The following SLC22A23 variants were observed in gnomAD, a reference collection of about 807,000 sequenced individuals.
SLC22A23 encodes solute carrier family 22 member 23, also known as ion transporter protein.
A neutral mutation model predicts 61.0 loss-of-function variants in SLC22A23; 26 were observed. That is an observed-to-expected ratio of 0.43 (90% confidence interval 0.31 to 0.59). The LOEUF (loss-of-function observed/expected upper bound fraction) is 0.59. Ranked by LOEUF, SLC22A23 falls within the 20% of genes least tolerant of loss-of-function variation. The probability of loss-of-function intolerance (pLI) is 0.11; values close to 1 mark genes in which losing one functional copy is unlikely to be tolerated. For missense variants in SLC22A23, 796 were observed against 934.7 expected (o/e 0.85, Z 1.94); for synonymous variants, 430 against 413.9 (o/e 1.04, Z -0.47).
At chr6:3,359,598 T>C (rs1241115804) in intron 3 of SLC22A23, among the ~76,000 whole-genome samples, 1 of 152,126 alleles carries the variant, frequency 6.6e-6, no homozygotes, top group Non-Finnish European at 1.5e-5. Context: ...ACATTCCTGG[T>C]GGGAATGTAC....
rs1457379162 is a variant in SLC22A23 at position 3,271,989 on chromosome 6, G to A, written c.*1066C>T. 1.3e-5 allele frequency: 2 copies of A among 152,446 alleles called. No individual in the cohort carries two copies. Among genetic ancestry groups the A allele is most frequent in the African/African-American group, 4.8e-5 (2 of 41,408 alleles). 9.4% of individuals were successfully genotyped at this position (152,446 alleles called of 1,614,324 possible). On this transcript the variant is annotated 3_prime_UTR_variant, in exon 10 of 10. Coordinates refer to ENST00000406686, the MANE Select transcript of SLC22A23 (RefSeq NM_015482.2). Reference sequence around the variant, plus strand: ...GCAGGAAGCTGGCCCAGGAAGGCAGGCGTGAGGGGGCCCAGCTCCTGCGGG... The same window carrying A: ...GCAGGAAGCTGGCCCAGGAAGGCAGACGTGAGGGGGCCCAGCTCCTGCGGG...
At chr6:3,278,917 G>A (rs140203762) in intron 9 of SLC22A23, among the ~76,000 whole-genome samples, 132 of 152,260 alleles carry the variant, frequency 8.7e-4, no homozygotes, top group African/African-American at 3.1e-3. Context: ...TTACTCACAC[G>A]GGAGTCACAT....
At position 3,322,304 on chromosome 6, in the gene SLC22A23, C is replaced by T. The variant is rs1763001882; in HGVS notation, c.1082+1530G>A. ...TGAGATAAATCAGCACCCTTGAACT[C>T]CGAAACAGCTAAGCCCAGCGAAGGC... On this transcript the variant is annotated intron_variant, in intron 4 of 9. Coordinates refer to ENST00000406686, the MANE Select transcript of SLC22A23 (RefSeq NM_015482.2). This position sits in a 1 kb window ranked among gnomAD's most constrained non-coding sequence, Gnocchi z 4.1. 6.6e-6 allele frequency among the ~76,000 whole-genome samples: 1 copy of T among 152,188 alleles called. No homozygotes were observed. The highest frequency in any genetic ancestry group is 6.5e-5 in the Admixed American group (1 of 15,284).
intron 3 of SLC22A23, among the ~76,000 whole-genome samples, chr6:3,369,213 C>T (rs1326277409): frequency 6.6e-6 from 1 of 152,078 alleles, no homozygotes; most frequent in African/African-American, 2.4e-5. Context: ...TTCTTGTCCC[C>T]TGCTCGCCCA....
At chr6:3,290,002 T>TTTTTG in intron 5 of SLC22A23, 136 bp from the exon 6 acceptor site, 1 of 650,362 alleles carries the variant, frequency 1.5e-6, no homozygotes, top group Admixed American at 2.5e-5. Context: ...TTTTTTTTTT[T>TTTTTG]GCCAGTGGAT....
chr6:3,437,262 C>A lies in SLC22A23; in HGVS notation c.654+18644G>T, dbSNP rs577176631. ...GCAAACACATAAAACCAAAAAAAAACCCCAAAACAAAACAAAACCACACAC... is the reference window on the plus strand; with the variant it reads ...GCAAACACATAAAACCAAAAAAAAAACCCAAAACAAAACAAAACCACACAC... On this transcript the variant is annotated intron_variant, in intron 1 of 9. Coordinates refer to ENST00000406686, the MANE Select transcript of SLC22A23 (RefSeq NM_015482.2). Among the ~76,000 whole-genome samples, 274 of 151,954 alleles carry A rather than the reference C, an allele frequency of 1.8e-3. 1 individual carries two copies. The highest frequency in any genetic ancestry group is 3.0e-3 in the African/African-American group (124 of 41,322).
At chr6:3,365,403 C>T (rs1330954158) in intron 3 of SLC22A23, among the ~76,000 whole-genome samples, 1 of 152,176 alleles carries the variant, frequency 6.6e-6, no homozygotes, top group Non-Finnish European at 1.5e-5. Context: ...TTTGGGGAAA[C>T]ACAGGAGTAG....
intron 4 of SLC22A23, among the ~76,000 whole-genome samples, chr6:3,321,590 AC>A (rs1200632284): frequency 1.3e-5 from 2 of 151,866 alleles, no homozygotes; most frequent in Non-Finnish European, 2.9e-5. Flanking sequence ...TAAAAAAAAA[AC>A]AAAACAAAAA....
At position 3,362,421 on chromosome 6, in the gene SLC22A23, ATAAAAAATAAAAAAT is replaced by A. The variant is rs1561925451; in HGVS notation, c.914-38434_914-38420del. 3.4e-3 allele frequency among the ~76,000 whole-genome samples: 194 copies of A among 57,700 alleles called. 38 individuals are homozygous for A. In the East Asian group the frequency reaches 0.046, roughly 14 times the overall value. The allele number at this position is 57,700 out of a possible 152,430, so 37.9% of individuals were successfully genotyped here. A position where few individuals can be genotyped will look rare whatever the true frequency, so the allele number is the denominator to read the frequency against. On this transcript the variant is annotated intron_variant, in intron 3 of 9. Transcript: ENST00000406686. ...CCGTCTCACAAAAAAAAAAAATAAAATAAAAAATAAAAAATAAAAATTAGCATGCATTTTCATCAG... is the reference window on the plus strand; with the variant it reads ...CCGTCTCACAAAAAAAAAAAATAAAAAAAAATTAGCATGCATTTTCATCAG...
At chr6:3,437,129 A>C (rs1446944639) in intron 1 of SLC22A23, among the ~76,000 whole-genome samples, 4 of 152,190 alleles carry the variant, frequency 2.6e-5, no homozygotes, top group Non-Finnish European at 5.9e-5. Context: ...CACTTATCTA[A>C]GACTCTGCCC....
rs200830254 is a variant in SLC22A23 at position 3,289,752 on chromosome 6, T to C, written c.1313+12A>G. 1.2e-3 allele frequency: 1,878 copies of C among 1,609,912 alleles called. 2 individuals are homozygous for C. The highest frequency in any genetic ancestry group is 1.5e-3 in the Non-Finnish European group (1,777 of 1,176,720). On this transcript the variant is annotated intron_variant, in intron 6 of 9. Coordinates refer to ENST00000406686, the MANE Select transcript of SLC22A23 (RefSeq NM_015482.2). The stretch of plus-strand genomic sequence containing the variant: ...CCTCCCACCCAGCTGGCACTTGTCC[T>C]CTGTGACTCACGAGTTCACACACAG...
chr6:3,453,893 C>A (rs1220168592), intron 1 of SLC22A23, among the ~76,000 whole-genome samples: 1 of 152,132 alleles, frequency 6.6e-6, no homozygotes. Flanking sequence ...TAGTGTACAT[C>A]CCACATTAGT....
At chr6:3,313,339 G>C (rs1762465453) in intron 4 of SLC22A23, 1 of 152,190 alleles carries the variant, frequency 6.6e-6, no homozygotes, top group Non-Finnish European at 1.5e-5. Context: ...TTTGTAGGCA[G>C]AAAAGATTTG....
At chr6:3,347,791 T>C (rs1340320861) in intron 3 of SLC22A23, among the ~76,000 whole-genome samples, 3 of 152,220 alleles carry the variant, frequency 2.0e-5, no homozygotes, top group Admixed American at 2.0e-4. Flanking sequence ...AGACTCACTT[T>C]ATGCACAAGA....
At chr6:3,399,086 G>A (rs1363269569) in intron 3 of SLC22A23, among the ~76,000 whole-genome samples, 1 of 86,814 alleles carries the variant, frequency 1.2e-5, no homozygotes, top group East Asian at 8.3e-4. Flanking sequence ...GAAGGCCCCT[G>A]AGTCTGACTT....
chr6:3,280,645 G>A lies in SLC22A23; in HGVS notation c.1703+3207C>T, dbSNP rs372865288. Among the ~76,000 whole-genome samples the A allele has an allele frequency of 1.1e-3, 160 of 151,772 alleles. 2 individuals carry two copies. The highest frequency in any genetic ancestry group is 2.7e-3 in the East Asian group (14 of 5,148). ...TGAGTAGCTGGGACTACAGGCGCCC[G>A]CCACCACGCCCGGCTAATTTTTTTT... On this transcript the variant is annotated intron_variant, in intron 9 of 9. Coordinates refer to ENST00000406686, the MANE Select transcript of SLC22A23 (RefSeq NM_015482.2).
intron 1 of SLC22A23, among the ~76,000 whole-genome samples, chr6:3,449,560 T>C (rs115547697): frequency 1.3e-5 from 2 of 152,184 alleles, no homozygotes; most frequent in Non-Finnish European, 1.5e-5. Context: ...TCAAAAACTT[T>C]CAAAAAGATG....
chr6:3,311,620 G>A (rs1215790689), intron 4 of SLC22A23: 1 of 152,176 alleles, frequency 6.6e-6, no homozygotes, highest in Non-Finnish European at 1.5e-5. Flanking sequence ...TCATGAAATC[G>A]AATAAAGATT....
At position 3,322,696 on chromosome 6, in the gene SLC22A23, C is replaced by T. The variant is rs1763028356; in HGVS notation, c.1082+1138G>A. Among the ~76,000 whole-genome samples, 1 of 152,178 alleles carries T rather than the reference C, an allele frequency of 6.6e-6. No homozygotes were observed. The highest frequency in any genetic ancestry group is 6.5e-5 in the Admixed American group (1 of 15,288). On this transcript the variant is annotated intron_variant, in intron 4 of 9. Coordinates refer to ENST00000406686, the MANE Select transcript of SLC22A23 (RefSeq NM_015482.2). This position sits in a 1 kb window ranked among gnomAD's most constrained non-coding sequence, Gnocchi z 4.1. ...CCGCACCTGCACCCTCGCAGTACAT[C>T]TACTACCAGGGCAGGGGCGGGGGGC...
Sources: allele counts gnomAD v4.1 joint callset (sites outside exome capture counted in the v4.1 genomes callset), GRCh38; gene constraint gnomAD v4.1.1; non-coding constraint Gnocchi (gnomAD v3.1); transcripts MANE v1.5; gene names NCBI Gene and HGNC (gene_info 2026-07-23, HGNC 2026-07-21).